Variants in DLGAP1 observed in about 807,000 individuals in gnomAD.
DLGAP1 encodes DLG associated protein 1.
DLGAP1 carries 11 observed loss-of-function variants against 90.8 expected under a neutral mutation model. The ratio of observed to expected loss-of-function variants is 0.12; its 90% CI spans 0.08 to 0.20. The LOEUF (loss-of-function observed/expected upper bound fraction) is 0.20. Among genes scored for constraint, DLGAP1 ranks in the 10% least tolerant of loss-of-function variants. The probability of loss-of-function intolerance (pLI) is 1.00; values close to 1 mark genes in which losing one functional copy is unlikely to be tolerated. For synonymous variants in DLGAP1, 558 were observed against 540.7 expected (o/e 1.03, Z -0.44); for missense variants, 1,050 against 1,333.8 (o/e 0.79, Z 3.31).
intron 8 of DLGAP1, among the ~76,000 whole-genome samples, chr18:3,568,506 T>C (rs934718557): frequency 6.6e-6 from 1 of 152,076 alleles, no homozygotes; most frequent in African/African-American, 2.4e-5. Context: ...TCCGTTTTCC[T>C]ACTATGTGTT....
chr18:4,449,949 A>G (rs542465878), intron 1 of DLGAP1, among the ~76,000 whole-genome samples: 1 of 152,304 alleles, frequency 6.6e-6, no homozygotes, highest in South Asian at 2.1e-4. Context: ...TTCCAAATGC[A>G]TTACCACTTC....
intron 8 of DLGAP1, among the ~76,000 whole-genome samples, chr18:3,569,530 C>T (rs913580335): frequency 6.6e-6 from 1 of 151,950 alleles, no homozygotes; most frequent in Non-Finnish European, 1.5e-5. Flanking sequence ...TAGTCACATC[C>T]AGCTTTTATG....
At chr18:4,185,487 C>T (rs1339623450) in intron 1 of DLGAP1, among the ~76,000 whole-genome samples, 3 of 152,022 alleles carry the variant, frequency 2.0e-5, no homozygotes, top group Non-Finnish European at 2.9e-5. Flanking sequence ...CGTTTAGCTC[C>T]CACTTATAAG....
intron 1 of DLGAP1, among the ~76,000 whole-genome samples, chr18:4,277,990 AT>A (rs33929950): frequency 0.17 from 24,850 of 148,442 alleles, 2,636 homozygotes; most frequent in African/African-American, 0.3. Flanking sequence ...AAGAGATTGC[AT>A]TTTTTTTTTT....
chr18:4,066,328 G>C (rs1011180410), intron 2 of DLGAP1, among the ~76,000 whole-genome samples: 1 of 151,974 alleles, frequency 6.6e-6, no homozygotes. Flanking sequence ...AATTAAACTA[G>C]AGAGCTTCTG....
At chr18:3,742,186 G>A (rs1298743341) in intron 6 of DLGAP1, 149 bp downstream of exon 6, 2 of 1,002,952 alleles carry the variant, frequency 2.0e-6, no homozygotes, top group East Asian at 2.6e-5. Context: ...CCCATGGCAT[G>A]CTCTTTGCAG....
chr18:4,412,324 T>A (rs2082796772), intron 1 of DLGAP1, among the ~76,000 whole-genome samples: 1 of 152,154 alleles, frequency 6.6e-6, no homozygotes, highest in African/African-American at 2.4e-5. Context: ...TCCACTCTGT[T>A]AAGGCTATCA....
Position 4,115,335 on chromosome 18 carries a change from TG to T in DLGAP1, c.-159+35844del, listed in dbSNP as rs1280309179. 5.8e-5 allele frequency among the ~76,000 whole-genome samples: 7 copies of T among 121,366 alleles called. No individual in the cohort carries two copies. In the South Asian group the frequency reaches 1.5e-3, roughly 26 times the overall value. 79.6% of individuals were successfully genotyped at this position (121,366 alleles called of 152,430 possible). On this transcript the variant is annotated intron_variant, in intron 2 of 12. Coordinates refer to ENST00000315677, the MANE Select transcript of DLGAP1 (RefSeq NM_004746.4). The stretch of plus-strand genomic sequence containing the variant: ...ATTGTTATAATTTTACATAATCTTA[TG>T]TTTTTTTTTTTTTAACAAAACTGAG...
rs1479355705 is a variant in DLGAP1 at position 4,099,239 on chromosome 18, T to C, written c.-159+51941A>G. Reference sequence around the variant, plus strand: ...AGAGAGCCTGGAACTTGAAAATAGATCTGTCTGTCTGTCTGTCTGTCTGTC... The same window carrying C: ...AGAGAGCCTGGAACTTGAAAATAGACCTGTCTGTCTGTCTGTCTGTCTGTC... On this transcript the variant is annotated intron_variant, in intron 2 of 12. Transcript: ENST00000315677. 2.9e-5 allele frequency among the ~76,000 whole-genome samples: 3 copies of C among 103,172 alleles called. No individual in the cohort carries two copies. In the East Asian group the frequency reaches 1.1e-3, roughly 38 times the overall value. The allele number at this position is 103,172 out of a possible 152,430, so 67.7% of individuals were successfully genotyped here.
At chr18:4,145,587 C>A (rs759887775) in intron 2 of DLGAP1, among the ~76,000 whole-genome samples, 1 of 152,090 alleles carries the variant, frequency 6.6e-6, no homozygotes, top group Non-Finnish European at 1.5e-5. Flanking sequence ...TAAAACAGAA[C>A]AGAAAAGTAT....
In DLGAP1 at chr18:4,045,657, G is replaced by A. The variant is rs537230274; in HGVS notation, c.-158-40456C>T. Among the ~76,000 whole-genome samples the A allele has an allele frequency of 3.3e-5, 5 of 151,528 alleles. No individual in the cohort carries two copies. The South Asian group carries it at 1.0e-3, about 32-fold the overall frequency. On this transcript the variant is annotated intron_variant, in intron 2 of 12. Coordinates refer to ENST00000315677, the MANE Select transcript of DLGAP1 (RefSeq NM_004746.4). ...ATATTTTTGCTATCATAATCATATT[G>A]CTGCTTTTCTCTCCTACCATTTAAT... is the stretch of plus-strand genomic sequence containing the variant.
At chr18:3,580,464 G>A (rs947064372) in intron 8 of DLGAP1, 20 of 1,610,820 alleles carry the variant, frequency 1.2e-5, no homozygotes, top group African/African-American at 1.2e-4. Context: ...TCCCTCAGCC[G>A]CCACCTCTTC....
chr18:3,635,171 C>G (rs994726158), intron 7 of DLGAP1, among the ~76,000 whole-genome samples: 1 of 150,954 alleles, frequency 6.6e-6, no homozygotes, highest in African/African-American at 2.4e-5. Flanking sequence ...CGCTCTTTCA[C>G]CCAGGCTGGA....
At chr18:4,118,492 A>G (rs1182368555) in intron 2 of DLGAP1, among the ~76,000 whole-genome samples, 2 of 152,306 alleles carry the variant, frequency 1.3e-5, no homozygotes, top group Middle Eastern at 3.4e-3. Flanking sequence ...GCCTGGGGAA[A>G]AGCTTCAGTC....
chr18:3,829,432 T>A (rs1184582249), intron 4 of DLGAP1, among the ~76,000 whole-genome samples: 3 of 133,474 alleles, frequency 2.2e-5, no homozygotes, highest in Non-Finnish European at 4.7e-5. Context: ...GATCCAAGAC[T>A]CTCTGAGCTT....
intron 1 of DLGAP1, among the ~76,000 whole-genome samples, chr18:4,309,056 C>G (rs950915756): frequency 6.6e-6 from 1 of 152,172 alleles, no homozygotes; most frequent in Non-Finnish European, 1.5e-5. Flanking sequence ...TAGAAATATT[C>G]CATACACTGT....
chr18:4,389,869 G>T (rs539189164), intron 1 of DLGAP1, among the ~76,000 whole-genome samples: 66 of 152,124 alleles, frequency 4.3e-4, no homozygotes, highest in Non-Finnish European at 6.5e-4. Context: ...AATTAATAAT[G>T]CATAGTTTAA....
At chr18:3,868,371 G>A (rs2070533845) in intron 4 of DLGAP1, among the ~76,000 whole-genome samples, 1 of 152,112 alleles carries the variant, frequency 6.6e-6, no homozygotes, top group Admixed American at 6.5e-5. Context: ...TACAGGTAGG[G>A]TTCCTTTAAA....
intron 7 of DLGAP1, among the ~76,000 whole-genome samples, chr18:3,625,907 C>T (rs1030974613): frequency 4.6e-5 from 7 of 152,224 alleles, no homozygotes; most frequent in African/African-American, 1.7e-4. Flanking sequence ...ATGATCAAAT[C>T]TCTGTTCATG....
Sources: gnomAD v4.1 joint callset for allele counts (sites outside exome capture counted in the v4.1 genomes callset) on GRCh38, gnomAD v4.1.1 for gene constraint, MANE v1.5 for transcripts, NCBI Gene and HGNC (gene_info 2026-07-23, HGNC 2026-07-21) for gene names.